CACNB2: variants seen among roughly 807,000 people sequenced by gnomAD.
The protein encoded by CACNB2 is voltage-dependent L-type calcium channel subunit beta-2.
CACNB2 carries 42 observed loss-of-function variants against 73.3 expected under a neutral mutation model. The ratio of observed to expected loss-of-function variants is 0.57; its 90% confidence interval spans 0.45 to 0.74. The LOEUF (loss-of-function observed/expected upper bound fraction) is 0.74, where lower values mean the gene tolerates loss of function less well. CACNB2 is among the 30% of genes least tolerant of loss of function. CACNB2 has a pLI of 0.00. For synonymous variants in CACNB2, 348 were observed against 310.3 expected (o/e 1.12, Z -1.28); for missense variants, 940 against 853.0 (o/e 1.10, Z -1.27).
At chr10:18,156,733 A>C (rs138957714) in intron 2 of CACNB2, among the ~76,000 whole-genome samples, 48 of 152,314 alleles carry the variant, frequency 3.2e-4, no homozygotes, top group Admixed American at 3.0e-3. Flanking sequence ...TAATTGGAAC[A>C]AAAGTTAACT....
intron 2 of CACNB2, among the ~76,000 whole-genome samples, chr10:18,350,973 T>C (rs927838154): frequency 7.9e-5 from 12 of 152,214 alleles, no homozygotes; most frequent in Admixed American, 2.6e-4. Flanking sequence ...TTTCTTAACA[T>C]AGTTTTCAAT....
intron 2 of CACNB2, among the ~76,000 whole-genome samples, chr10:18,154,102 G>T (rs1283533865): frequency 6.6e-6 from 1 of 151,748 alleles, no homozygotes; most frequent in Non-Finnish European, 1.5e-5. Flanking sequence ...ATTAAAAATA[G>T]TTCCTATATA....
intron 2 of CACNB2, among the ~76,000 whole-genome samples, chr10:18,356,950 T>TTTTC (rs57766054): frequency 0.33 from 41,016 of 124,676 alleles, 7,649 homozygotes; most frequent in East Asian, 0.39. Flanking sequence ...TTCTTTTTTT[T>TTTTC]TTTTTTTTTT....
At chr10:18,178,469 T>C (rs2131195006) in intron 2 of CACNB2, among the ~76,000 whole-genome samples, 1 of 152,344 alleles carries the variant, frequency 6.6e-6, no homozygotes, top group Admixed American at 6.5e-5. Context: ...CAGAGATTAA[T>C]CAGATAGAGG....
chr10:18,354,635 A>G (rs1253805175), intron 2 of CACNB2, among the ~76,000 whole-genome samples: 1 of 152,068 alleles, frequency 6.6e-6, no homozygotes, highest in Non-Finnish European at 1.5e-5. Context: ...TTGTTTCTCA[A>G]TTACAACTAT....
Position 18,378,053 on chromosome 10 carries a change from CATT to C in CACNB2, c.214-23868_214-23866del, listed in dbSNP as rs374355779. Among the ~76,000 whole-genome samples the C allele has an allele frequency of 5.4e-3, 828 of 152,186 alleles. 12 individuals are homozygous for C. Among genetic ancestry groups the C allele is most frequent in the African/African-American group, 0.019 (789 of 41,524 alleles). ...CTGCTTCAGCTGCTTGTTGGGAAGGCATTATCATTAGGGAAATGATCTAATCAA... is the reference window on the plus strand; with the variant it reads ...CTGCTTCAGCTGCTTGTTGGGAAGGCATCATTAGGGAAATGATCTAATCAA... On this transcript the variant is annotated intron_variant, in intron 2 of 13. Coordinates refer to ENST00000324631, the MANE Select transcript of CACNB2 (RefSeq NM_201596.3).
chr10:18,412,366 C>G (rs1463173457), intron 3 of CACNB2, among the ~76,000 whole-genome samples: 1 of 152,210 alleles, frequency 6.6e-6, no homozygotes, highest in Non-Finnish European at 1.5e-5. Flanking sequence ...GAAGAAATAT[C>G]TGCATGCCTT....
At position 18,433,169 on chromosome 10, in the gene CACNB2, A is replaced by G. The variant is rs2045973702; in HGVS notation, c.333+31126A>G. ...TTTGAAATCCTATTAAGTACAAGGCAGTATGCCAATGCCACATGCAGATAG... is the reference window on the plus strand; with the variant it reads ...TTTGAAATCCTATTAAGTACAAGGCGGTATGCCAATGCCACATGCAGATAG... On this transcript the variant is annotated intron_variant, in intron 3 of 13. Coordinates refer to ENST00000324631, the MANE Select transcript of CACNB2 (RefSeq NM_201596.3). 5.9e-5 allele frequency among the ~76,000 whole-genome samples: 9 copies of G among 152,180 alleles called. 1 individual carries two copies. In the South Asian group the frequency reaches 1.7e-3, roughly 28 times the overall value.
chr10:18,393,500 A>G (rs1336105418), intron 2 of CACNB2, among the ~76,000 whole-genome samples: 1 of 152,188 alleles, frequency 6.6e-6, no homozygotes, highest in Admixed American at 6.5e-5. Flanking sequence ...GCATTTTGAT[A>G]TGTTCGTTTT....
At chr10:18,493,168 G>A (rs779411876) in intron 3 of CACNB2, among the ~76,000 whole-genome samples, 1 of 151,944 alleles carries the variant, frequency 6.6e-6, no homozygotes, top group Non-Finnish European at 1.5e-5. Flanking sequence ...CAAATAGTAC[G>A]CTGTCTTTCT....
At chr10:18,355,708 C>T (rs544274149) in intron 2 of CACNB2, among the ~76,000 whole-genome samples, 2 of 150,812 alleles carry the variant, frequency 1.3e-5, no homozygotes, top group Non-Finnish European at 2.9e-5. Context: ...GCGATCTCGG[C>T]TCGCTGCAAC....
intron 2 of CACNB2, among the ~76,000 whole-genome samples, chr10:18,346,297 G>A (rs2041451086): frequency 6.6e-6 from 1 of 151,974 alleles, no homozygotes; most frequent in African/African-American, 2.4e-5. Flanking sequence ...CCGCCACCAC[G>A]CCTGGCTAAT....
At chr10:18,448,478 T>TAA (rs1564560934) in intron 3 of CACNB2, among the ~76,000 whole-genome samples, 1 of 45,890 alleles carries the variant, frequency 2.2e-5, no homozygotes, top group Non-Finnish European at 4.6e-5. Context: ...TCTCTCTCAT[T>TAA]TAAAAAAAAA....
chr10:18,474,753 A>G (rs1485292731), intron 3 of CACNB2, among the ~76,000 whole-genome samples: 1 of 151,924 alleles, frequency 6.6e-6, no homozygotes, highest in Non-Finnish European at 1.5e-5. Flanking sequence ...AATTCTTCCA[A>G]CAACAGATGT....
intron 2 of CACNB2, among the ~76,000 whole-genome samples, chr10:18,387,136 A>G (rs1053745973): frequency 6.6e-6 from 1 of 152,154 alleles, no homozygotes; most frequent in Admixed American, 6.6e-5. Context: ...AGAAACTCGA[A>G]GATCCTCCAC....
chr10:18,242,453 G>A (rs1213881050), intron 2 of CACNB2, among the ~76,000 whole-genome samples: 2 of 152,084 alleles, frequency 1.3e-5, no homozygotes, highest in African/African-American at 4.8e-5. Context: ...TAGTTTTGAT[G>A]TAATAAAAAT....
At position 18,235,043 on chromosome 10, in the gene CACNB2, T is replaced by C. The variant is rs11013114; in HGVS notation, c.213+84068T>C. Among the ~76,000 whole-genome samples, 75 of 150,998 alleles carry C rather than the reference T, an allele frequency of 5.0e-4. 1 individual carries two copies. The East Asian group carries it at 0.012, about 23-fold the overall frequency. ...CTGTAGTCCCAGCTACTCAGGAGGCTGAGGCAGGAGAATGGCATGAACCCG... is the reference window on the plus strand; with the variant it reads ...CTGTAGTCCCAGCTACTCAGGAGGCCGAGGCAGGAGAATGGCATGAACCCG... On this transcript the variant is annotated intron_variant, in intron 2 of 13. Coordinates refer to ENST00000324631, the MANE Select transcript of CACNB2 (RefSeq NM_201596.3).
At chr10:18,479,604 T>C (rs946042133) in intron 3 of CACNB2, among the ~76,000 whole-genome samples, 3 of 152,082 alleles carry the variant, frequency 2.0e-5, no homozygotes, top group Non-Finnish European at 4.4e-5. Flanking sequence ...TGGGAGGTGA[T>C]TGGATCATGG....
At chr10:18,441,706 C>T (rs753410754) in intron 3 of CACNB2, among the ~76,000 whole-genome samples, 3 of 152,232 alleles carry the variant, frequency 2.0e-5, no homozygotes, top group Non-Finnish European at 2.9e-5. Flanking sequence ...ACAGTCACAG[C>T]GCCCTGCAGC....
Sources: gnomAD v4.1 joint callset for allele counts (sites outside exome capture counted in the v4.1 genomes callset) on GRCh38, gnomAD v4.1.1 for gene constraint, MANE v1.5 for transcripts, NCBI Gene and HGNC (gene_info 2026-07-23, HGNC 2026-07-21) for gene names.